ITGA8: variants seen among roughly 807,000 people sequenced by gnomAD.
ITGA8 encodes integrin subunit alpha 8, also known as integrin alpha-8.
Under a neutral mutation model 142.3 loss-of-function variants are expected in ITGA8, and 91 were observed. That is an observed-to-expected ratio of 0.64 (90% CI 0.54 to 0.76). ITGA8 has a LOEUF of 0.76. Ranked by LOEUF, ITGA8 falls within the 30% of genes least tolerant of loss-of-function variation. The probability of loss-of-function intolerance (pLI) is 0.00; values close to 1 mark genes in which losing one functional copy is unlikely to be tolerated. For synonymous variants in ITGA8, 505 were observed against 485.2 expected (o/e 1.04, Z -0.54); for missense variants, 1,406 against 1,327.7 (o/e 1.06, Z -0.92).
At position 15,542,016 on chromosome 10, in the gene ITGA8, T is replaced by G. The variant is rs182130705; in HGVS notation, c.2880+6439A>C. 2.0e-3 allele frequency among the ~76,000 whole-genome samples: 299 copies of G among 152,290 alleles called. 1 individual carries two copies. Among genetic ancestry groups the G allele is most frequent in the African/African-American group, 6.9e-3 (285 of 41,562 alleles). On this transcript the variant is annotated intron_variant, in intron 27 of 29. Transcript: ENST00000378076. ...GGAGGCTGTTGTGTTTATTCAAACCTGTAACATCACACTTAGGGAAAAATA... is the reference window on the plus strand; with the variant it reads ...GGAGGCTGTTGTGTTTATTCAAACCGGTAACATCACACTTAGGGAAAAATA...
chr10:15,557,965 A>T, intron 26 of ITGA8, 109 bp downstream of exon 26: 1 of 1,319,648 alleles, frequency 7.6e-7, no homozygotes, highest in Non-Finnish European at 1.1e-6. Context: ...GGAATATCTG[A>T]GCACTGAAGG....
rs1400563449 is a variant in ITGA8 at position 15,597,290 on chromosome 10, G to T, written c.2128C>A (p.Pro710Thr). 1 of 1,613,618 alleles carries T rather than the reference G, an allele frequency of 6.2e-7. No individual in the cohort carries two copies. The highest frequency in any genetic ancestry group is 8.5e-7 in the Non-Finnish European group (1 of 1,179,728). The change falls in exon 21 of 30, where the codon CCA becomes ACA. Residue 710 changes from proline to threonine, a missense_variant. Coordinates refer to ENST00000378076, the MANE Select transcript of ITGA8 (RefSeq NM_003638.3). ...TCCATCTTGTACTCACAGCTCAGTG[G>T]TCGAAATCCCTACAATTGCAAAGAA... is the stretch of plus-strand genomic sequence containing the variant. ...GIERNNKGFRPLSCEYKMENV... is the reference protein window; with the variant it reads ...GIERNNKGFRTLSCEYKMENV...
intron 13 of ITGA8, among the ~76,000 whole-genome samples, chr10:15,635,013 T>C (rs1678282398): frequency 1.4e-5 from 2 of 146,798 alleles, no homozygotes; most frequent in Non-Finnish European, 3.0e-5. Flanking sequence ...CTTTTTTTTT[T>C]TTTTTTTTTT....
At chr10:15,645,980 C>A (rs1833974976) in intron 12 of ITGA8, among the ~76,000 whole-genome samples, 1 of 152,110 alleles carries the variant, frequency 6.6e-6, no homozygotes, top group South Asian at 2.1e-4. Context: ...TTCAGTATAA[C>A]CTGTACATAA....
At chr10:15,628,799 A>C (rs1588685033) in intron 13 of ITGA8, among the ~76,000 whole-genome samples, 2 of 152,070 alleles carry the variant, frequency 1.3e-5, no homozygotes, top group Admixed American at 1.3e-4. Context: ...TGCTCATGAC[A>C]CATTTGTTGT....
chr10:15,601,099 C>T (rs926066827), intron 20 of ITGA8, among the ~76,000 whole-genome samples: 35 of 152,050 alleles, frequency 2.3e-4, no homozygotes, highest in African/African-American at 7.2e-4. Context: ...ATTAGTCAGG[C>T]GTGGTGGTGG....
At chr10:15,588,746 C>T (rs929636458) in intron 22 of ITGA8, among the ~76,000 whole-genome samples, 19 of 152,182 alleles carry the variant, frequency 1.2e-4, no homozygotes, top group African/African-American at 4.3e-4. Flanking sequence ...ACACAGTTTT[C>T]ATTACCCACA....
Position 15,672,763 on chromosome 10 carries a change from A to G in ITGA8, c.677-14T>C, listed in dbSNP as rs777969071. ...TGATCACTTGTCCTGTGTTTAAACA[A>G]ATTAATACGTTAACTGAATGAAAGC... On this transcript the variant is annotated splice_polypyrimidine_tract_variant and intron_variant, in intron 6 of 29. Coordinates refer to ENST00000378076, the MANE Select transcript of ITGA8 (RefSeq NM_003638.3). The G allele has an allele frequency of 3.2e-6, 5 of 1,584,242 alleles. No individual in the cohort carries two copies. In the Admixed American group the frequency reaches 9.0e-5, roughly 29 times the overall value.
intron 27 of ITGA8, among the ~76,000 whole-genome samples, chr10:15,540,429 C>G (rs950572201): frequency 6.6e-6 from 1 of 152,172 alleles, no homozygotes; most frequent in East Asian, 1.9e-4. Context: ...CTTAACATAG[C>G]CTCCAGTTCC....
intron 25 of ITGA8, among the ~76,000 whole-genome samples, chr10:15,564,185 A>G (rs931803980): frequency 4.6e-5 from 7 of 152,358 alleles, no homozygotes; most frequent in Admixed American, 4.6e-4. Context: ...CTTAAACACC[A>G]TAGTCAAAAG....
chr10:15,605,185 G>C (rs9333164), intron 19 of ITGA8, among the ~76,000 whole-genome samples: 3,348 of 152,242 alleles, frequency 0.022, 123 homozygotes, highest in African/African-American at 0.076. Context: ...GCAATTTCCA[G>C]TGCTGGAATG....
At chr10:15,644,472 ATATATATATATATATATATAGAATT>A (rs1833937512) in intron 12 of ITGA8, among the ~76,000 whole-genome samples, 16 of 16,312 alleles carry the variant, frequency 9.8e-4, no homozygotes, top group Admixed American at 2.4e-3. Flanking sequence ...ATATATATAT[ATATATATATATATATATATAGAATT>A]TTTTTTTTTT....
At chr10:15,528,718 G>T (rs1048532939) in intron 28 of ITGA8, among the ~76,000 whole-genome samples, 2 of 152,066 alleles carry the variant, frequency 1.3e-5, no homozygotes, top group African/African-American at 4.8e-5. Context: ...AAAGGGCCCA[G>T]ATTTATTTCC....
At position 15,684,135 on chromosome 10, in the gene ITGA8, A is replaced by C. The variant is rs748955062; in HGVS notation, c.445-8T>G. 1.3e-6 allele frequency: 2 copies of C among 1,599,430 alleles called. No homozygotes were observed. The highest frequency in any genetic ancestry group is 1.1e-5 in the South Asian group (1 of 87,532). ...ATATAAAGGAGCACAGGCCTAGGAAACATCAAAGACAAAAAAATACATTTT... is the reference window on the plus strand; with the variant it reads ...ATATAAAGGAGCACAGGCCTAGGAACCATCAAAGACAAAAAAATACATTTT... On this transcript the variant is annotated splice_polypyrimidine_tract_variant and splice_region_variant and intron_variant, in intron 3 of 29. Coordinates refer to ENST00000378076, the MANE Select transcript of ITGA8 (RefSeq NM_003638.3).
At chr10:15,574,468 G>A (rs1405382552) in intron 24 of ITGA8, among the ~76,000 whole-genome samples, 1 of 152,096 alleles carries the variant, frequency 6.6e-6, no homozygotes, top group Non-Finnish European at 1.5e-5. Context: ...TCGGCTCACT[G>A]CAACCTCTGC....
intron 25 of ITGA8, among the ~76,000 whole-genome samples, chr10:15,559,254 C>T (rs1008523673): frequency 2.6e-5 from 4 of 152,226 alleles, no homozygotes; most frequent in African/African-American, 9.6e-5. Flanking sequence ...GACCAAGAAC[C>T]CAAGGTCCTT....
At chr10:15,578,373 TG>T (rs1388443412) in intron 23 of ITGA8, among the ~76,000 whole-genome samples, 1 of 152,118 alleles carries the variant, frequency 6.6e-6, no homozygotes, top group Admixed American at 6.6e-5. Context: ...TGATATTCTA[TG>T]GGATGGATGT....
At chr10:15,648,602 A>G (rs1421117395) in intron 11 of ITGA8, among the ~76,000 whole-genome samples, 1 of 152,006 alleles carries the variant, frequency 6.6e-6, no homozygotes, top group Non-Finnish European at 1.5e-5. Context: ...CAGATTCCAT[A>G]TCAAGTGGCT....
chr10:15,524,129 G>A (rs1463867955), intron 28 of ITGA8, among the ~76,000 whole-genome samples: 1 of 152,168 alleles, frequency 6.6e-6, no homozygotes, highest in Non-Finnish European at 1.5e-5. Flanking sequence ...CCTTTTACCT[G>A]TAGGACATCC....
Sources: allele counts gnomAD v4.1 joint callset (sites outside exome capture counted in the v4.1 genomes callset), GRCh38; gene constraint gnomAD v4.1.1; transcripts MANE v1.5; gene names NCBI Gene and HGNC (gene_info 2026-07-23, HGNC 2026-07-21).